Variants in TCF4 observed in about 807,000 individuals in gnomAD.
TCF4 encodes the protein transcription factor 4, also known as SL3-3 enhancer factor 2.
A neutral mutation model predicts 82.1 loss-of-function variants in TCF4; 3 were observed. That is an observed-to-expected ratio of 0.04 (90% CI 0.02 to 0.09). The LOEUF is 0.09. TCF4 is among the 10% of genes least tolerant of loss of function. The pLI is 1.00. For missense variants in TCF4, 518 were observed against 852.7 expected (o/e 0.61, Z 4.89); for synonymous variants, 276 against 309.6 (o/e 0.89, Z 1.14).
At chr18:55,359,082 A>G in intron 6 of TCF4, among the ~76,000 whole-genome samples, 1 of 152,308 alleles carries the variant, frequency 6.6e-6, no homozygotes, top group East Asian at 1.9e-4. Flanking sequence ...ATGCATAGAT[A>G]GATTATATAT....
chr18:55,247,578 T>C (rs1200061648), intron 15 of TCF4, among the ~76,000 whole-genome samples: 2 of 152,156 alleles, frequency 1.3e-5, no homozygotes, highest in African/African-American at 4.8e-5. Flanking sequence ...AGGAGATAGA[T>C]CCACCCTAGT....
At chr18:55,471,649 C>A (rs2096182209) in intron 3 of TCF4, among the ~76,000 whole-genome samples, 1 of 151,840 alleles carries the variant, frequency 6.6e-6, no homozygotes, top group African/African-American at 2.4e-5. Flanking sequence ...ACTTGTAGTC[C>A]CAGCTACTCA....
At chr18:55,328,292 AT>A (rs1212185290) in intron 8 of TCF4, among the ~76,000 whole-genome samples, 1 of 151,992 alleles carries the variant, frequency 6.6e-6, no homozygotes, top group Non-Finnish European at 1.5e-5. Context: ...ACTAGATGTG[AT>A]TTTTATTTAA....
intron 8 of TCF4, chr18:55,321,717 G>A: frequency 6.5e-7 from 1 of 1,536,030 alleles, no homozygotes; most frequent in East Asian, 2.4e-5. Context: ...CCCATGCCCG[G>A]GATTGTGTAT....
chr18:55,364,840 T>C (rs1199109380), intron 6 of TCF4, among the ~76,000 whole-genome samples: 2 of 152,122 alleles, frequency 1.3e-5, no homozygotes, highest in Non-Finnish European at 2.9e-5. Flanking sequence ...GAGACTGTCA[T>C]TATTTATAAT....
chr18:55,588,693 C>A, upstream of TCF4: 1 of 1,319,610 alleles, frequency 7.6e-7, no homozygotes, highest in East Asian at 2.9e-5. Flanking sequence ...CCAAGAGGAA[C>A]AATATTTTTC....
chr18:55,426,229 G>A (rs1023258047), intron 5 of TCF4, among the ~76,000 whole-genome samples: 2 of 151,970 alleles, frequency 1.3e-5, no homozygotes, highest in African/African-American at 2.4e-5. Context: ...GAACTGACAT[G>A]GTTGTGAAAT....
chr18:55,523,290 T>C (rs774750997), intron 3 of TCF4, among the ~76,000 whole-genome samples: 28 of 151,962 alleles, frequency 1.8e-4, no homozygotes, highest in Non-Finnish European at 3.4e-4. Context: ...ATGACTTCTA[T>C]AAAACTGACC....
At chr18:55,231,599 C>T (rs1274976592) in intron 17 of TCF4, 1 of 152,202 alleles carries the variant, frequency 6.6e-6, no homozygotes, top group African/African-American at 2.4e-5. Flanking sequence ...GGTATGAAAT[C>T]CCCTCCTTGG....
At chr18:55,343,854 A>G (rs1274920978) in intron 8 of TCF4, among the ~76,000 whole-genome samples, 1 of 141,598 alleles carries the variant, frequency 7.1e-6, no homozygotes, top group African/African-American at 3.1e-5. Context: ...ACATGGGTGC[A>G]CACACACACG....
At chr18:55,400,763 C>T in intron 6 of TCF4, 1 of 301,234 alleles carries the variant, frequency 3.3e-6, no homozygotes, top group Non-Finnish European at 6.5e-6. Flanking sequence ...CAGCGCTTTG[C>T]TACCTGTTGC....
chr18:55,506,413 A>G (rs2096760408), intron 3 of TCF4, among the ~76,000 whole-genome samples: 1 of 152,194 alleles, frequency 6.6e-6, no homozygotes. Context: ...TATTTTATTT[A>G]TACACACACA....
In TCF4 at chr18:55,364,119, A is replaced by G. The variant is rs1190108512; in HGVS notation, c.370-13116T>C. Among the ~76,000 whole-genome samples, 4 of 152,170 alleles carry G rather than the reference A, an allele frequency of 2.6e-5. 1 individual carries two copies. The South Asian group carries it at 6.2e-4, about 24-fold the overall frequency. On this transcript the variant is annotated intron_variant, in intron 6 of 19. Coordinates refer to ENST00000354452, the MANE Select transcript of TCF4 (RefSeq NM_001083962.2). ...CTAATGGGAATGTAATCTGGTATAA[A>G]CTTTCTGGAAGGCAAGTTAAAATGT...
chr18:55,595,219 G>A (rs1296069934), intron 2 of TCF4, among the ~76,000 whole-genome samples: 2 of 152,184 alleles, frequency 1.3e-5, no homozygotes, highest in Non-Finnish European at 2.9e-5. Flanking sequence ...TGTCAAAGAT[G>A]CGTTTTTCCC....
intron 3 of TCF4, among the ~76,000 whole-genome samples, chr18:55,565,624 G>A (rs1412668018): frequency 1.3e-5 from 2 of 152,302 alleles, no homozygotes; most frequent in African/African-American, 4.8e-5. Context: ...AAGCTTAAGT[G>A]AGGGTTAGTA....
At chr18:55,571,007 A>G (rs1023044906) in intron 3 of TCF4, among the ~76,000 whole-genome samples, 4 of 152,146 alleles carry the variant, frequency 2.6e-5, no homozygotes, top group African/African-American at 9.7e-5. Context: ...AGAATCTTTA[A>G]AAAACAACTG....
chr18:55,450,521 ACAC>A (rs2095603134), intron 5 of TCF4, among the ~76,000 whole-genome samples: 1 of 152,236 alleles, frequency 6.6e-6, no homozygotes, highest in African/African-American at 2.4e-5. Flanking sequence ...GATCCACTGA[ACAC>A]CTCCTTTTAC....
At chr18:55,460,970 T>C (rs760810238) in intron 5 of TCF4, 49 bp downstream of exon 5, 1 of 1,534,058 alleles carries the variant, frequency 6.5e-7, no homozygotes, top group Non-Finnish European at 9.0e-7. Flanking sequence ...CCTTCTATAG[T>C]AAAACTTGAG....
chr18:55,620,634 G>T (rs773880866), intron 2 of TCF4, among the ~76,000 whole-genome samples: 2 of 152,122 alleles, frequency 1.3e-5, no homozygotes, highest in Non-Finnish European at 2.9e-5. Flanking sequence ...ACTGAGTTCT[G>T]CTTAGGTTTT....
Sources: allele counts gnomAD v4.1 joint callset (sites outside exome capture counted in the v4.1 genomes callset), GRCh38; gene constraint gnomAD v4.1.1; transcripts MANE v1.5; gene names NCBI Gene and HGNC (gene_info 2026-07-23, HGNC 2026-07-21).